ARHGAP35: variants seen among roughly 807,000 people sequenced by gnomAD.
ARHGAP35 encodes Rho GTPase activating protein 35, also known as rho GTPase-activating protein 35.
In ARHGAP35, 15 loss-of-function variants were observed where a neutral mutation model predicts 111.1. That is an observed-to-expected ratio of 0.13 (90% confidence interval 0.09 to 0.21). ARHGAP35 has a LOEUF of 0.21. Ranked by LOEUF, ARHGAP35 falls within the 10% of genes least tolerant of loss-of-function variation. The pLI, the probability that ARHGAP35 is intolerant of heterozygous loss-of-function variation, is 1.00. For synonymous variants in ARHGAP35, 643 were observed against 710.3 expected, an observed-to-expected ratio of 0.91 and a Z score of 1.51; for missense variants, 1,262 against 1,873.0, an observed-to-expected ratio of 0.67 and a Z score of 6.02.
chr19:46,939,082 C>G (rs1243229252), intron 3 of ARHGAP35, among the ~76,000 whole-genome samples: 2 of 152,166 alleles, frequency 1.3e-5, no homozygotes, highest in Non-Finnish European at 2.9e-5. Context: ...ATAATCATTA[C>G]AGATCTATAG....
chr19:46,919,298 G>A lies in ARHGAP35; in HGVS notation c.623G>A (p.Arg208Gln), dbSNP rs1324543011. The A allele has an allele frequency of 3.1e-6, 5 of 1,613,762 alleles. No homozygotes were observed. The highest frequency in any genetic ancestry group is 4.2e-6 in the Non-Finnish European group (5 of 1,179,892). Reference protein sequence around the residue: ...VLTKCDEGVERYIRDAHTFAL... With the variant: ...VLTKCDEGVEQYIRDAHTFAL... ...ACTAAGTGTGACGAAGGTGTTGAGC[G>A]GTACATTAGAGATGCACATACTTTT... Residue 208 changes from arginine (R) to glutamine (Q), a missense_variant, in exon 2 of 7, where the codon CGG becomes CAG. Physicochemically the swap from Arg to Gln is conservative, Grantham distance 43 (BLOSUM62 1). This residue lies in a region of ARHGAP35 where 125 missense variants were observed against 301.7 expected (regional missense o/e 0.41). Transcript: ENST00000672722. This position sits in a 1 kb window ranked among gnomAD's most constrained non-coding sequence, Gnocchi z 6.2.
At chr19:46,949,410 A>G (rs1292114047) in intron 3 of ARHGAP35, among the ~76,000 whole-genome samples, 2 of 152,218 alleles carry the variant, frequency 1.3e-5, no homozygotes, top group Admixed American at 1.3e-4. Context: ...AGTTACACTC[A>G]GCATCTCTAC....
intron 3 of ARHGAP35, among the ~76,000 whole-genome samples, chr19:46,982,944 C>T (rs2056628637): frequency 6.7e-6 from 1 of 148,734 alleles, no homozygotes; most frequent in South Asian, 2.1e-4. Flanking sequence ...CTCGCAGCTA[C>T]TCAGGAGGCT....
intron 3 of ARHGAP35, among the ~76,000 whole-genome samples, chr19:46,942,128 AG>A (rs2056350988): frequency 6.6e-6 from 1 of 152,192 alleles, no homozygotes; most frequent in African/African-American, 2.4e-5. Flanking sequence ...ATAAAATTAA[AG>A]CAAGTTCATT....
chr19:46,989,694 G>A lies in ARHGAP35; in HGVS notation c.4036+19G>A. ...GCACACAGTGAGTACCGGCAGCCCAGTGTTGGGCGGATTGAGGGAGAAAGG... is the reference window on the plus strand; with the variant it reads ...GCACACAGTGAGTACCGGCAGCCCAATGTTGGGCGGATTGAGGGAGAAAGG... On this transcript the variant is annotated intron_variant, in intron 5 of 6. Coordinates refer to ENST00000672722, the MANE Select transcript of ARHGAP35 (RefSeq NM_004491.5). This position sits in a 1 kb window ranked among gnomAD's most constrained non-coding sequence, Gnocchi z 5.3. 1 of 1,613,478 alleles carries A rather than the reference G, an allele frequency of 6.2e-7. No individual in the cohort carries two copies. The highest frequency in any genetic ancestry group is 8.5e-7 in the Non-Finnish European group (1 of 1,179,654).
chr19:47,000,218 G>C lies in ARHGAP35; in HGVS notation c.4143-113G>C, dbSNP rs551966551. 2.1e-5 allele frequency: 24 copies of C among 1,169,310 alleles called. No homozygotes were observed. In the African/African-American group the frequency reaches 3.4e-4, roughly 16 times the overall value. The allele number at this position is 1,169,310 out of a possible 1,614,324, so 72.4% of individuals were successfully genotyped here. A position where few individuals can be genotyped will look rare whatever the true frequency, so the allele number is the denominator to read the frequency against. On this transcript the variant is annotated intron_variant, in intron 6 of 6. Coordinates refer to ENST00000672722, the MANE Select transcript of ARHGAP35 (RefSeq NM_004491.5). The surrounding 1 kb of genome is among the most constrained non-coding windows in gnomAD (Gnocchi z 6.9). ...CAGAGAGCTGCGCATGGCCTTTTCT[G>C]CTCCACCTGAGGGAAGAAAGGTGGG...
chr19:46,953,729 C>T (rs780227934), intron 3 of ARHGAP35, among the ~76,000 whole-genome samples: 2 of 152,186 alleles, frequency 1.3e-5, no homozygotes, highest in Non-Finnish European at 2.9e-5. Context: ...GAGTAGCACA[C>T]TCCAGTGTGG....
intron 3 of ARHGAP35, among the ~76,000 whole-genome samples, chr19:46,958,155 G>T (rs540799291): frequency 6.6e-6 from 1 of 152,110 alleles, no homozygotes; most frequent in African/African-American, 2.4e-5. Context: ...AGGCCGAGGC[G>T]GGCGGATCAC....
intron 3 of ARHGAP35, among the ~76,000 whole-genome samples, chr19:46,962,837 C>T (rs749740888): frequency 1.1e-4 from 16 of 152,166 alleles, no homozygotes; most frequent in Non-Finnish European, 2.2e-4. Flanking sequence ...TGGTCTCGAA[C>T]TCCTGACCTC....
Position 46,984,780 on chromosome 19 carries a change from T to C in ARHGAP35, c.3827-3209T>C, listed in dbSNP as rs367851610. 1.7e-3 allele frequency among the ~76,000 whole-genome samples: 258 copies of C among 152,314 alleles called. 1 individual carries two copies. The highest frequency in any genetic ancestry group is 5.9e-3 in the African/African-American group (245 of 41,568). On this transcript the variant is annotated intron_variant, in intron 3 of 6. Transcript: ENST00000672722. ...TTGTGTGACGATCCATCTAGTGAAG[T>C]TTCAGCAGGTCCACACCACTGATAA...
intron 1 of ARHGAP35, among the ~76,000 whole-genome samples, 119 bp downstream of exon 1, chr19:46,861,328 G>T (rs2055825174): frequency 6.6e-6 from 1 of 150,702 alleles, no homozygotes; most frequent in African/African-American, 2.4e-5. Context: ...GAGCTGGAGG[G>T]GGAGGGGAGG....
intron 3 of ARHGAP35, among the ~76,000 whole-genome samples, chr19:46,963,733 A>G (rs1194758468): frequency 1.3e-5 from 2 of 152,142 alleles, no homozygotes; most frequent in Non-Finnish European, 2.9e-5. Context: ...TAATTTTTCT[A>G]TCTCCCATGG....
intron 3 of ARHGAP35, among the ~76,000 whole-genome samples, chr19:46,973,513 C>G (rs1455966898): frequency 2.6e-5 from 4 of 151,078 alleles, no homozygotes; most frequent in African/African-American, 9.8e-5. Context: ...CACAGTGAAA[C>G]CCCCTCTCTA....
chr19:46,953,984 A>G (rs1442303576), intron 3 of ARHGAP35, among the ~76,000 whole-genome samples: 1 of 152,124 alleles, frequency 6.6e-6, no homozygotes, highest in Non-Finnish European at 1.5e-5. Flanking sequence ...TGCCTCGATT[A>G]TAGTAGCTGT....
At position 46,999,902 on chromosome 19, in the gene ARHGAP35, G is replaced by A. The variant is rs368688084; in HGVS notation, c.4143-429G>A. On this transcript the variant is annotated intron_variant, in intron 6 of 6. Transcript: ENST00000672722. The surrounding 1 kb of genome is among the most constrained non-coding windows in gnomAD (Gnocchi z 5.4). Reference sequence around the variant, plus strand: ...CCAGCCTCCGGCATGGAGCACAGCCGCAGGCGGGAGGCCGTATGGTTGTTC... The same window carrying A: ...CCAGCCTCCGGCATGGAGCACAGCCACAGGCGGGAGGCCGTATGGTTGTTC... The A allele has an allele frequency of 3.5e-4, 75 of 215,724 alleles. No homozygotes were observed. Among genetic ancestry groups the A allele is most frequent in the African/African-American group, 1.2e-3 (53 of 43,774 alleles). The allele number at this position is 215,724 out of a possible 1,614,324, so 13.4% of individuals were successfully genotyped here.
intron 3 of ARHGAP35, among the ~76,000 whole-genome samples, chr19:46,977,248 A>G (rs577858280): frequency 1.2e-4 from 19 of 152,348 alleles, no homozygotes; most frequent in African/African-American, 4.1e-4. Context: ...ACAGCAGCAC[A>G]TGACTGGCTG....
At chr19:46,983,691 G>T (rs921633572) in intron 3 of ARHGAP35, among the ~76,000 whole-genome samples, 68 of 125,450 alleles carry the variant, frequency 5.4e-4, no homozygotes, top group African/African-American at 2.0e-3. Flanking sequence ...TCAGCTCACC[G>T]CAAGCTCCGC....
At chr19:46,927,607 C>T (rs1055880291) in intron 2 of ARHGAP35, among the ~76,000 whole-genome samples, 1 of 152,132 alleles carries the variant, frequency 6.6e-6, no homozygotes, top group South Asian at 2.1e-4. Context: ...GTGGCTACCA[C>T]GTGAAGGGTT....
At chr19:46,940,735 G>A (rs1453895863) in intron 3 of ARHGAP35, among the ~76,000 whole-genome samples, 1 of 151,878 alleles carries the variant, frequency 6.6e-6, no homozygotes, top group Admixed American at 6.6e-5. Context: ...CATTACAGGC[G>A]TGAGCCACTG....
Sources: allele counts gnomAD v4.1 joint callset (sites outside exome capture counted in the v4.1 genomes callset), GRCh38; gene constraint gnomAD v4.1.1; regional missense constraint gnomAD v4.1.1; non-coding constraint Gnocchi (gnomAD v3.1); transcripts MANE v1.5; gene names NCBI Gene and HGNC (gene_info 2026-07-23, HGNC 2026-07-21).